RUNX3: variants seen among roughly 807,000 people sequenced by gnomAD.
RUNX3 encodes runt-related transcription factor 3.
In RUNX3, 10 loss-of-function variants were observed where a neutral mutation model predicts 27.7. That is an observed-to-expected ratio of 0.36 (90% CI 0.22 to 0.61). RUNX3 has a LOEUF of 0.61. Among genes scored for constraint, RUNX3 ranks in the 20% least tolerant of loss-of-function variants. The pLI is 0.72. For synonymous variants in RUNX3, 270 were observed against 269.2 expected (o/e 1.00, Z -0.03); for missense variants, 469 against 629.5 (o/e 0.75, Z 2.73).
chr1:24,922,868 C>T (rs1261548322), intron 2 of RUNX3, among the ~76,000 whole-genome samples: 3 of 151,044 alleles, frequency 2.0e-5, no homozygotes, highest in Non-Finnish European at 4.4e-5. Context: ...CTATTCCCTG[C>T]ACCTGCTGGA....
At chr1:24,908,829 G>A (rs149839049) in intron 3 of RUNX3, among the ~76,000 whole-genome samples, 1 of 152,158 alleles carries the variant, frequency 6.6e-6, no homozygotes, top group Non-Finnish European at 1.5e-5. Flanking sequence ...GGCCCCAGGA[G>A]GGGACTGCAG....
intron 2 of RUNX3, among the ~76,000 whole-genome samples, chr1:24,925,232 A>C (rs1474498416): frequency 1.3e-5 from 2 of 152,094 alleles, no homozygotes; most frequent in African/African-American, 4.8e-5. Context: ...GTGTGTCTGC[A>C]TGCCAGCGGA....
intron 3 of RUNX3, among the ~76,000 whole-genome samples, chr1:24,915,829 C>T (rs577895181): frequency 3.9e-5 from 6 of 152,256 alleles, no homozygotes; most frequent in African/African-American, 9.6e-5. Flanking sequence ...TTTCCCCCAC[C>T]GTGGTCCATG....
At chr1:24,958,202 C>T (rs906892834) in intron 2 of RUNX3, among the ~76,000 whole-genome samples, 2 of 152,188 alleles carry the variant, frequency 1.3e-5, no homozygotes, top group East Asian at 1.9e-4. Flanking sequence ...CTCCCAACCA[C>T]CCTTTGAGGT....
intron 3 of RUNX3, 41 bp from the exon 4 acceptor site, chr1:24,907,458 A>T: frequency 6.3e-7 from 1 of 1,583,306 alleles, no homozygotes. Context: ...GCTTCCCCAG[A>T]GTCTCAGTGG....
At chr1:24,932,321 G>A (rs1232891690), upstream of RUNX3, among the ~76,000 whole-genome samples, 1 of 151,592 alleles carries the variant, frequency 6.6e-6, no homozygotes, top group Non-Finnish European at 1.5e-5. Context: ...AGGGACCAGG[G>A]CGGCGGGGGG....
intron 3 of RUNX3, among the ~76,000 whole-genome samples, chr1:24,910,387 G>A (rs1196041369): frequency 6.6e-6 from 1 of 152,056 alleles, no homozygotes; most frequent in Admixed American, 6.6e-5. Context: ...TTCTAGTTTG[G>A]CAGAGGGAGA....
At chr1:24,933,150 G>A (rs1571329795), upstream of RUNX3, among the ~76,000 whole-genome samples, 1 of 152,200 alleles carries the variant, frequency 6.6e-6, no homozygotes, top group African/African-American at 2.4e-5. Flanking sequence ...TACCAGACAA[G>A]GGGCAGGTGT....
chr1:24,930,718 G>T (rs1468690070), upstream of RUNX3, among the ~76,000 whole-genome samples: 1 of 152,210 alleles, frequency 6.6e-6, no homozygotes, highest in Non-Finnish European at 1.5e-5. The surrounding 1 kb of genome is among the most constrained non-coding windows in gnomAD (Gnocchi z 4.1). Context: ...CTCAGGGCCG[G>T]TGACGCCGCA....
chr1:24,902,041 C>T lies in RUNX3; in HGVS notation c.*81G>A, dbSNP rs1295041189. ...CTGGAGCGCAGGTCCCATTCCCGCC[C>T]GGAGCCTCGGAGCCGGCCCATCACT... is the stretch of plus-strand genomic sequence containing the variant. On this transcript the variant is annotated 3_prime_UTR_variant, in exon 5 of 5. Transcript: ENST00000308873. The surrounding 1 kb of genome is among the most constrained non-coding windows in gnomAD (Gnocchi z 9.2). 2.3e-5 allele frequency: 31 copies of T among 1,344,068 alleles called. No individual in the cohort carries two copies. The highest frequency in any genetic ancestry group is 9.0e-5 in the South Asian group (6 of 66,344). 83.3% of individuals were successfully genotyped at this position (1,344,068 alleles called of 1,614,324 possible).
chr1:24,929,308 C>T, intron 1 of RUNX3: 1 of 666,604 alleles, frequency 1.5e-6, no homozygotes, highest in East Asian at 2.9e-5. Context: ...GGCGCAAAAC[C>T]CCATCCGCCC....
intron 2 of RUNX3, among the ~76,000 whole-genome samples, chr1:24,956,629 A>G (rs1470667401): frequency 6.6e-6 from 1 of 151,822 alleles, no homozygotes; most frequent in African/African-American, 2.4e-5. Flanking sequence ...GAGCTGGGGG[A>G]GGTACGTCAG....
intron 2 of RUNX3, among the ~76,000 whole-genome samples, chr1:24,960,609 C>T (rs950551689): frequency 4.6e-5 from 7 of 152,174 alleles, no homozygotes; most frequent in East Asian, 1.9e-4. Context: ...TGCCAGTGTC[C>T]CTGGTGAGTG....
chr1:24,932,975 C>T, upstream of RUNX3, among the ~76,000 whole-genome samples: 1 of 152,222 alleles, frequency 6.6e-6, no homozygotes, highest in East Asian at 1.9e-4. Flanking sequence ...CAGAACCCAT[C>T]CCCGGGCAAA....
chr1:24,904,751 C>T lies in RUNX3; in HGVS notation c.704-2085G>A, dbSNP rs377747722. 2.0e-5 allele frequency among the ~76,000 whole-genome samples: 3 copies of T among 152,000 alleles called. No homozygotes were observed. The highest frequency in any genetic ancestry group is 7.2e-5 in the African/African-American group (3 of 41,398). ...GGCCTCCCTGGACCTGCCACCATCC[C>T]CTCCAGCCTCTTTCCTCAGGGCCAC... On this transcript the variant is annotated intron_variant, in intron 4 of 4. Coordinates refer to ENST00000308873, the MANE Select transcript of RUNX3 (RefSeq NM_004350.3). This position sits in a 1 kb window ranked among gnomAD's most constrained non-coding sequence, Gnocchi z 5.7.
chr1:24,919,379 C>T (rs1571315127), intron 2 of RUNX3, 35 bp from the exon 3 acceptor site: 11 of 1,452,884 alleles, frequency 7.6e-6, no homozygotes, highest in Non-Finnish European at 1.1e-5. Flanking sequence ...AGGTGGTTGG[C>T]ACCTGGAGCT....
At position 24,902,701 on chromosome 1, in the gene RUNX3, C is replaced by A. The variant is rs761029630; in HGVS notation, c.704-35G>T. On this transcript the variant is annotated intron_variant, in intron 4 of 4. Coordinates refer to ENST00000308873, the MANE Select transcript of RUNX3 (RefSeq NM_004350.3). The surrounding 1 kb of genome is among the most constrained non-coding windows in gnomAD (Gnocchi z 9.2). ...AGCAGGGAAGAGGTCAGTTCCAGCTCGAGACAACCCCAGGAGGGCTTCCTG... is the reference window on the plus strand; with the variant it reads ...AGCAGGGAAGAGGTCAGTTCCAGCTAGAGACAACCCCAGGAGGGCTTCCTG... The A allele has an allele frequency of 6.7e-6, 10 of 1,487,328 alleles. No individual in the cohort carries two copies. In the South Asian group the frequency reaches 1.1e-4, roughly 17 times the overall value. 92.1% of individuals were successfully genotyped at this position (1,487,328 alleles called of 1,614,324 possible). A position where few individuals can be genotyped will look rare whatever the true frequency, so the allele number is the denominator to read the frequency against.
intron 2 of RUNX3, among the ~76,000 whole-genome samples, chr1:24,955,794 C>A (rs1641904923): frequency 6.6e-6 from 1 of 152,174 alleles, no homozygotes; most frequent in Non-Finnish European, 1.5e-5. Context: ...CAGTCTCTCT[C>A]CACACATCAC....
Position 24,904,048 on chromosome 1 carries a change from C to T in RUNX3, c.704-1382G>A, listed in dbSNP as rs1020799690. On this transcript the variant is annotated intron_variant, in intron 4 of 4. Transcript: ENST00000308873. This position sits in a 1 kb window ranked among gnomAD's most constrained non-coding sequence, Gnocchi z 5.7. Reference sequence around the variant, plus strand: ...GAGAACTGGCTCATTCAGGGCCCTGCCAAGTTGAGGCCCTGGTGCAGGGCC... The same window carrying T: ...GAGAACTGGCTCATTCAGGGCCCTGTCAAGTTGAGGCCCTGGTGCAGGGCC... Among the ~76,000 whole-genome samples, 1 of 152,128 alleles carries T rather than the reference C, an allele frequency of 6.6e-6. No individual in the cohort carries two copies. The highest frequency in any genetic ancestry group is 2.4e-5 in the African/African-American group (1 of 41,430).
Sources: allele counts gnomAD v4.1 joint callset (sites outside exome capture counted in the v4.1 genomes callset), GRCh38; gene constraint gnomAD v4.1.1; non-coding constraint Gnocchi (gnomAD v3.1); transcripts MANE v1.5; gene names NCBI Gene and HGNC (gene_info 2026-07-23, HGNC 2026-07-21).